Variants in LHFPL3 observed in about 807,000 individuals in gnomAD.
LHFPL3 encodes the protein LHFPL tetraspan subfamily member 3 protein.
A neutral mutation model predicts 19.3 loss-of-function variants in LHFPL3; 5 were observed. That is an observed-to-expected ratio of 0.26 (90% CI 0.14 to 0.54). The LOEUF is 0.54. Ranked by LOEUF, LHFPL3 falls within the 20% of genes least tolerant of loss-of-function variation. The pLI is 0.94. For synonymous variants in LHFPL3, 133 were observed against 126.2 expected (o/e 1.05, Z -0.36); for missense variants, 249 against 307.4 (o/e 0.81, Z 1.42).
At chr7:104,594,713 T>A (rs1423515252) in intron 1 of LHFPL3, among the ~76,000 whole-genome samples, 1 of 152,234 alleles carries the variant, frequency 6.6e-6, no homozygotes, top group Non-Finnish European at 1.5e-5. Context: ...TAGTCCAATA[T>A]TCCTTGGAGG....
intron 2 of LHFPL3, among the ~76,000 whole-genome samples, chr7:104,795,468 T>A (rs1348223289): frequency 6.6e-6 from 1 of 152,202 alleles, no homozygotes; most frequent in Non-Finnish European, 1.5e-5. Context: ...TAACAGTTTG[T>A]ATGCCTCAAT....
chr7:104,520,251 A>C (rs560153047), intron 1 of LHFPL3, among the ~76,000 whole-genome samples: 16 of 151,976 alleles, frequency 1.1e-4, no homozygotes, highest in African/African-American at 3.4e-4. Context: ...GATTACATTT[A>C]TTGATTTGCG....
chr7:104,794,038 T>A (rs1157868692), intron 2 of LHFPL3, among the ~76,000 whole-genome samples: 1 of 152,226 alleles, frequency 6.6e-6, no homozygotes. Context: ...GCAAGACAGA[T>A]GTTCCCACTT....
intron 1 of LHFPL3, among the ~76,000 whole-genome samples, chr7:104,556,158 T>C (rs1789827199): frequency 6.6e-6 from 1 of 152,138 alleles, no homozygotes; most frequent in Non-Finnish European, 1.5e-5. Flanking sequence ...TGCCAGTGGA[T>C]CTACTATTCT....
intron 1 of LHFPL3, among the ~76,000 whole-genome samples, chr7:104,516,934 A>T (rs1305371142): frequency 1.3e-5 from 2 of 152,200 alleles, no homozygotes; most frequent in Non-Finnish European, 2.9e-5. Context: ...GTAAAATATG[A>T]TACATATACA....
At chr7:104,672,300 C>A (rs73181844) in intron 1 of LHFPL3, among the ~76,000 whole-genome samples, 6,074 of 152,054 alleles carry the variant, frequency 0.04, 144 homozygotes, top group African/African-American at 0.055. Flanking sequence ...GTTCACACAC[C>A]CCCTTTCTCC....
intron 2 of LHFPL3, among the ~76,000 whole-genome samples, chr7:104,892,995 C>T (rs951437036): frequency 2.4e-4 from 37 of 151,752 alleles, no homozygotes; most frequent in Admixed American, 1.4e-3. Context: ...TGCTTGAGGC[C>T]AGGATTTCAA....
intron 2 of LHFPL3, among the ~76,000 whole-genome samples, chr7:104,783,878 G>C (rs887030687): frequency 2.0e-5 from 3 of 152,148 alleles, no homozygotes; most frequent in Non-Finnish European, 4.4e-5. Context: ...AAGAATCTGG[G>C]TCATGCAACT....
At chr7:104,448,519 C>T (rs952638992) in intron 1 of LHFPL3, among the ~76,000 whole-genome samples, 3 of 152,138 alleles carry the variant, frequency 2.0e-5, no homozygotes, top group South Asian at 2.1e-4. Context: ...ATGAAAAATA[C>T]GTGTTATTTT....
chr7:104,816,936 C>G (rs1790567869), intron 2 of LHFPL3, among the ~76,000 whole-genome samples: 1 of 152,242 alleles, frequency 6.6e-6, no homozygotes, highest in Non-Finnish European at 1.5e-5. Flanking sequence ...GTTAAGCACA[C>G]ACTTCTGACT....
chr7:104,554,496 G>T (rs1482442787), intron 1 of LHFPL3, among the ~76,000 whole-genome samples: 1 of 152,092 alleles, frequency 6.6e-6, no homozygotes, highest in Non-Finnish European at 1.5e-5. Context: ...ATTAGCTCGT[G>T]TTATAGACTA....
chr7:104,479,396 CTTT>C (rs35217752), intron 1 of LHFPL3, among the ~76,000 whole-genome samples: 2 of 147,078 alleles, frequency 1.4e-5, no homozygotes, highest in Non-Finnish European at 1.5e-5. Flanking sequence ...TCTTCCACTT[CTTT>C]TTTTTTTTTT....
intron 1 of LHFPL3, among the ~76,000 whole-genome samples, chr7:104,604,242 CTGACCCTGCCAGAGCTA>C (rs1190916178): frequency 1.3e-5 from 2 of 152,226 alleles, no homozygotes; most frequent in African/African-American, 4.8e-5. Flanking sequence ...TAAGCCTCGC[CTGACCCTGCCAGAGCTA>C]TGGCCAGGGT....
intron 2 of LHFPL3, among the ~76,000 whole-genome samples, chr7:104,870,652 C>T (rs182432218): frequency 7.3e-4 from 111 of 152,234 alleles, no homozygotes; most frequent in African/African-American, 2.0e-3. Flanking sequence ...TCTGTGACAA[C>T]GGGAGCTTCA....
chr7:104,893,107 G>A (rs977149675), intron 2 of LHFPL3, among the ~76,000 whole-genome samples: 10 of 151,918 alleles, frequency 6.6e-5, no homozygotes, highest in African/African-American at 2.4e-4. Context: ...ATAGCTACTC[G>A]GGAGGCTGAG....
chr7:104,612,542 C>A (rs1022927332), intron 1 of LHFPL3, among the ~76,000 whole-genome samples: 1 of 152,288 alleles, frequency 6.6e-6, no homozygotes, highest in Admixed American at 6.5e-5. Flanking sequence ...GTACCATCAC[C>A]TTTCTAATGG....
At chr7:104,603,618 C>T (rs1791029616) in intron 1 of LHFPL3, among the ~76,000 whole-genome samples, 1 of 152,198 alleles carries the variant, frequency 6.6e-6, no homozygotes, top group Non-Finnish European at 1.5e-5. Context: ...ATCCCTCCAT[C>T]TGTGAATCTG....
chr7:104,680,306 T>C lies in LHFPL3; in HGVS notation c.446-56369T>C, dbSNP rs540275153. 2.8e-4 allele frequency among the ~76,000 whole-genome samples: 43 copies of C among 152,232 alleles called. 1 individual carries two copies. The South Asian group carries it at 5.2e-3, about 18-fold the overall frequency. On this transcript the variant is annotated intron_variant, in intron 1 of 2. Transcript: ENST00000424859. ...TATCCCACTCCTTTGGCAGCAAGAG[T>C]AATTTCCTGATTGGCCTCCAAACTG... is the stretch of plus-strand genomic sequence containing the variant.
chr7:104,390,220 G>A (rs1791037852), intron 1 of LHFPL3, among the ~76,000 whole-genome samples: 1 of 151,472 alleles, frequency 6.6e-6, no homozygotes, highest in Non-Finnish European at 1.5e-5. Context: ...TAAATTCTAG[G>A]GTACATGTGC....
Sources: gnomAD v4.1 joint callset for allele counts (sites outside exome capture counted in the v4.1 genomes callset) on GRCh38, gnomAD v4.1.1 for gene constraint, MANE v1.5 for transcripts, NCBI Gene and HGNC (gene_info 2026-07-23, HGNC 2026-07-21) for gene names.